PCSK6: variants seen among roughly 807,000 people sequenced by gnomAD.
PCSK6 encodes the protein proprotein convertase subtilisin/kexin type 6.
Under a neutral mutation model 123.3 loss-of-function variants are expected in PCSK6, and 85 were observed. The observed-to-expected ratio is 0.69, with a 90% CI of 0.58 to 0.83. The LOEUF (loss-of-function observed/expected upper bound fraction) is 0.83, where lower values mean the gene tolerates loss of function less well. Ranked by LOEUF, PCSK6 falls within the 40% of genes least tolerant of loss-of-function variation. The pLI, the probability that PCSK6 is intolerant of heterozygous loss-of-function variation, is 0.00. For synonymous variants in PCSK6, 508 were observed against 516.0 expected (o/e 0.98, Z 0.21); for missense variants, 1,191 against 1,282.3 (o/e 0.93, Z 1.09).
chr15:101,489,205 A>ACC (rs1167204211), intron 1 of PCSK6, among the ~76,000 whole-genome samples, 169 bp downstream of exon 1: 762 of 19,222 alleles, frequency 0.04, 8 homozygotes, highest in African/African-American at 0.1. Flanking sequence ...CCCGGGCGAC[A>ACC]CCCCCCCCCG....
At chr15:101,474,506 G>A (rs1480283746) in intron 1 of PCSK6, among the ~76,000 whole-genome samples, 2 of 152,214 alleles carry the variant, frequency 1.3e-5, no homozygotes, top group Non-Finnish European at 2.9e-5. Context: ...TCCAATAAAT[G>A]TTTGCTAAGT....
chr15:101,351,655 A>G (rs566512886), intron 13 of PCSK6, among the ~76,000 whole-genome samples: 1 of 152,364 alleles, frequency 6.6e-6, no homozygotes, highest in African/African-American at 2.4e-5. Context: ...AGTAAAATTT[A>G]TAATGAACTT....
intron 6 of PCSK6, among the ~76,000 whole-genome samples, chr15:101,403,772 G>T (rs2042682502): frequency 6.6e-6 from 1 of 152,044 alleles, no homozygotes; most frequent in East Asian, 1.9e-4. Flanking sequence ...CAGGTTGGAG[G>T]ACAGTGGCGC....
chr15:101,325,121 C>G, intron 16 of PCSK6, 75 bp from the exon 17 acceptor site: 4 of 1,111,164 alleles, frequency 3.6e-6, no homozygotes, highest in South Asian at 3.0e-5. Flanking sequence ...TTTGTTTCCT[C>G]TGAGGAAACG....
chr15:101,396,092 A>C (rs2042403991), intron 7 of PCSK6, among the ~76,000 whole-genome samples: 1 of 152,158 alleles, frequency 6.6e-6, no homozygotes, highest in Admixed American at 6.6e-5. Flanking sequence ...ATTTTCAGTG[A>C]CAGATCGAGA....
At position 101,384,407 on chromosome 15, in the gene PCSK6, C is replaced by T. The variant is rs1213146664; in HGVS notation, c.1329G>A (p.Arg443=). The part of the protein sequence containing the change: ...ALEANSQLTW[R]DVQHLLVKTS... ...TCTTCACTAGCAGGTGCTGGACGTC[C>T]CTCCAGGTTAACTGGCTGCTGCAAT... The change falls in exon 10 of 22, where the codon AGG becomes AGA. Residue 443 remains arginine (R), a synonymous_variant. Coordinates refer to ENST00000611716, the MANE Select transcript of PCSK6 (RefSeq NM_002570.5). The T allele has an allele frequency of 1.9e-6, 3 of 1,613,584 alleles. No homozygotes were observed. The highest frequency in any genetic ancestry group is 2.5e-6 in the Non-Finnish European group (3 of 1,179,776).
chr15:101,330,759 C>T (rs984105811), intron 15 of PCSK6, among the ~76,000 whole-genome samples: 1 of 152,192 alleles, frequency 6.6e-6, no homozygotes, highest in Non-Finnish European at 1.5e-5. Context: ...AAAATCAGTT[C>T]CTTATTAATA....
At position 101,305,534 on chromosome 15, in the gene PCSK6, C is replaced by T; in HGVS notation, c.2813-179G>A. On this transcript the variant is annotated intron_variant, in intron 21 of 21. Transcript: ENST00000611716. This position sits in a 1 kb window ranked among gnomAD's most constrained non-coding sequence, Gnocchi z 4.8. ...ACCAGTCTAACCAACATGGTGAAAC[C>T]CCGTCTCTACTAATAATATAAAAAT... is the stretch of plus-strand genomic sequence containing the variant. 1.8e-6 allele frequency: 1 copy of T among 548,924 alleles called. No individual in the cohort carries two copies. Among genetic ancestry groups the T allele is most frequent in the Admixed American group, 2.9e-5 (1 of 34,842 alleles). 34.0% of individuals were successfully genotyped at this position (548,924 alleles called of 1,614,324 possible).
intron 8 of PCSK6, among the ~76,000 whole-genome samples, chr15:101,391,130 G>T (rs926792537): frequency 1.3e-5 from 2 of 152,188 alleles, no homozygotes; most frequent in African/African-American, 4.8e-5. Context: ...GTTCGTTTCA[G>T]TGGGGCTGGG....
In PCSK6 at chr15:101,361,956, C is replaced by CTTTTTT. The variant is rs10639429; in HGVS notation, c.1858+4234_1858+4239dup. Among the ~76,000 whole-genome samples, 33 of 111,524 alleles carry CTTTTTT rather than the reference C, an allele frequency of 3.0e-4. 1 individual carries two copies. In the East Asian group the frequency reaches 4.3e-3, roughly 15 times the overall value. The allele number at this position is 111,524 out of a possible 152,430, so 73.2% of individuals were successfully genotyped here. A position where few individuals can be genotyped will look rare whatever the true frequency, so the allele number is the denominator to read the frequency against. On this transcript the variant is annotated intron_variant, in intron 13 of 21. Coordinates refer to ENST00000611716, the MANE Select transcript of PCSK6 (RefSeq NM_002570.5). The stretch of plus-strand genomic sequence containing the variant: ...CCAAGCAATGGAGTGCAAGGTGAAG[C>CTTTTTT]TTTTTTTTTTTTTTTTTTGAGTTGG...
intron 20 of PCSK6, chr15:101,313,074 G>A (rs950457731): frequency 2.1e-5 from 27 of 1,312,440 alleles, no homozygotes; most frequent in South Asian, 1.7e-4. Flanking sequence ...TGCATGCTGA[G>A]CGCGACATGG....
intron 6 of PCSK6, among the ~76,000 whole-genome samples, chr15:101,415,761 A>C (rs754857278): frequency 8.5e-5 from 13 of 152,204 alleles, no homozygotes; most frequent in Non-Finnish European, 1.9e-4. Context: ...TTTTTGTGAT[A>C]GAGAGTAAGT....
chr15:101,465,895 A>C (rs540323795), intron 1 of PCSK6, among the ~76,000 whole-genome samples: 1 of 152,280 alleles, frequency 6.6e-6, no homozygotes, highest in East Asian at 1.9e-4. Flanking sequence ...AAACCAGAGA[A>C]GGCAGAAAGG....
At chr15:101,482,100 G>A (rs927673864) in intron 1 of PCSK6, among the ~76,000 whole-genome samples, 29 of 152,272 alleles carry the variant, frequency 1.9e-4, no homozygotes, top group Admixed American at 4.6e-4. Context: ...GGCAGAAGCC[G>A]AAAGGCTTTT....
At chr15:101,387,676 C>T (rs2042104449) in intron 9 of PCSK6, among the ~76,000 whole-genome samples, 1 of 25,578 alleles carries the variant, frequency 3.9e-5, no homozygotes, top group Non-Finnish European at 1.5e-4. Flanking sequence ...ATGGGTTTTC[C>T]TTCATTCTGG....
intron 13 of PCSK6, chr15:101,364,762 C>T (rs1197600241): frequency 6.6e-6 from 3 of 451,160 alleles, no homozygotes; most frequent in African/African-American, 1.9e-5. Flanking sequence ...CCAATCTCTA[C>T]CAGAATTCCA....
chr15:101,365,123 T>C, intron 13 of PCSK6: 1 of 615,834 alleles, frequency 1.6e-6, no homozygotes, highest in Non-Finnish European at 3.1e-6. Context: ...GACCCCTACC[T>C]CACACCATAT....
At chr15:101,426,082 A>T in intron 6 of PCSK6, among the ~76,000 whole-genome samples, 1 of 152,148 alleles carries the variant, frequency 6.6e-6, no homozygotes, top group East Asian at 1.9e-4. Flanking sequence ...GACTTGGGGG[A>T]GCAAGGCTCA....
intron 19 of PCSK6, among the ~76,000 whole-genome samples, chr15:101,317,663 A>G (rs1252447049): frequency 2.6e-5 from 4 of 152,166 alleles, no homozygotes; most frequent in African/African-American, 7.2e-5. Flanking sequence ...GCGCCGTTCC[A>G]CAGCAAGAGC....
Sources: gnomAD v4.1 joint callset for allele counts (sites outside exome capture counted in the v4.1 genomes callset) on GRCh38, gnomAD v4.1.1 for gene constraint, Gnocchi (gnomAD v3.1) non-coding constraint, MANE v1.5 for transcripts, NCBI Gene and HGNC (gene_info 2026-07-23, HGNC 2026-07-21) for gene names.